The following RTN3 variants were observed in gnomAD, a reference collection of about 807,000 sequenced individuals.
The protein encoded by RTN3 is reticulon 3.
Under a neutral mutation model 77.8 loss-of-function variants are expected in RTN3, and 49 were observed. That is an observed-to-expected ratio of 0.63 (90% confidence interval 0.50 to 0.80). RTN3 has a LOEUF of 0.80. Among genes scored for constraint, RTN3 ranks in the 30% least tolerant of loss-of-function variants. RTN3 has a pLI of 0.00. For synonymous variants in RTN3, 464 were observed against 446.9 expected, an observed-to-expected ratio of 1.04 and a Z score of -0.48; for missense variants, 1,236 against 1,211.9, an observed-to-expected ratio of 1.02 and a Z score of -0.29.
At position 63,698,781 on chromosome 11, in the gene RTN3, T is replaced by C. The variant is rs1942089873; in HGVS notation, c.143-6070T>C. 7 of 168,542 alleles carry C rather than the reference T, an allele frequency of 4.2e-5. No homozygotes were observed. In the South Asian group the frequency reaches 7.4e-4, roughly 18 times the overall value. The allele number at this position is 168,542 out of a possible 1,614,324, so 10.4% of individuals were successfully genotyped here. A position where few individuals can be genotyped will look rare whatever the true frequency, so the allele number is the denominator to read the frequency against. On this transcript the variant is annotated intron_variant, in intron 1 of 8. Coordinates refer to ENST00000377819, the MANE Select transcript of RTN3 (RefSeq NM_001265589.2). ...CCACTGGCCCCTTTAAATATTGAGA[T>C]ACCTCAAGATTCTTTTGTAAAACTT...
chr11:63,744,867 C>T (rs2013704884), intron 3 of RTN3, among the ~76,000 whole-genome samples: 1 of 152,142 alleles, frequency 6.6e-6, no homozygotes, highest in Non-Finnish European at 1.5e-5. Flanking sequence ...TGGTGCACGC[C>T]TATAGTCCTA....
At chr11:63,691,714 ACCTT>A (rs1252900809) in intron 1 of RTN3, among the ~76,000 whole-genome samples, 7 of 152,172 alleles carry the variant, frequency 4.6e-5, no homozygotes, top group South Asian at 2.1e-4. Flanking sequence ...TCTTGATTCT[ACCTT>A]CAAAAAGATA....
intron 7 of RTN3, among the ~76,000 whole-genome samples, chr11:63,754,782 C>A (rs886480813): frequency 4.8e-5 from 7 of 147,092 alleles, no homozygotes; most frequent in African/African-American, 1.8e-4. Context: ...AAAAAATTAG[C>A]CAGGCATGGT....
At chr11:63,742,662 G>A (rs1388607584) in intron 3 of RTN3, among the ~76,000 whole-genome samples, 1 of 151,836 alleles carries the variant, frequency 6.6e-6, no homozygotes, top group Non-Finnish European at 1.5e-5. Context: ...AAAAAAGAAA[G>A]GATTGTGATT....
chr11:63,681,700 C>T lies in RTN3; in HGVS notation c.64C>T (p.Pro22Ser). The change falls in exon 1 of 9, where the codon CCG becomes TCG. Residue 22 changes from proline (P) to serine (S), a missense_variant. Transcript: ENST00000377819. ...SISSSSFGAE[P>S]SAPGGGGSPG... ...CTCCTCGTCGTCCTTCGGAGCCGAG[C>T]CGTCCGCGCCCGGCGGCGGCGGGAG... is the stretch of plus-strand genomic sequence containing the variant. 6.2e-7 allele frequency: 1 copy of T among 1,610,900 alleles called. No individual in the cohort carries two copies. Among genetic ancestry groups the T allele is most frequent in the Non-Finnish European group, 8.5e-7 (1 of 1,178,756 alleles).
chr11:63,721,045 A>G lies in RTN3; in HGVS notation c.2530+13A>G. 6.4e-7 allele frequency: 1 copy of G among 1,566,428 alleles called. No homozygotes were observed. The highest frequency in any genetic ancestry group is 8.7e-7 in the Non-Finnish European group (1 of 1,155,502). ...ACAGACTTCTCAGGTAACCATTTATATTAGAATACTGCATGTGGTTAATTC... is the reference window on the plus strand; with the variant it reads ...ACAGACTTCTCAGGTAACCATTTATGTTAGAATACTGCATGTGGTTAATTC... On this transcript the variant is annotated intron_variant, in intron 3 of 8. Coordinates refer to ENST00000377819, the MANE Select transcript of RTN3 (RefSeq NM_001265589.2).
intron 1 of RTN3, among the ~76,000 whole-genome samples, chr11:63,682,448 C>A (rs1177933935): frequency 6.6e-6 from 1 of 152,026 alleles, no homozygotes; most frequent in Non-Finnish European, 1.5e-5. Flanking sequence ...TGGGAGGGAG[C>A]TGCTAATGGT....
intron 1 of RTN3, among the ~76,000 whole-genome samples, chr11:63,684,129 G>GTTTTTTTTTTTTTTTTTTTTTTTTTTGT (rs61663789): frequency 1.2e-5 from 1 of 85,258 alleles, no homozygotes; most frequent in African/African-American, 5.2e-5. Flanking sequence ...TTTTCTTTTG[G>GTTTTTTTTTTTTTTTTTTTTTTTTTTGT]TTTTTTTTTT....
At position 63,705,010 on chromosome 11, in the gene RTN3, C is replaced by T. The variant is rs953948144; in HGVS notation, c.199+103C>T. The stretch of plus-strand genomic sequence containing the variant: ...CAAGTCTTCTATTGCCCCAAATCCC[C>T]TAAAATAAAAACTAATTACAAGCTG... On this transcript the variant is annotated intron_variant, in intron 2 of 8. Coordinates refer to ENST00000377819, the MANE Select transcript of RTN3 (RefSeq NM_001265589.2). The T allele has an allele frequency of 6.9e-6, 6 of 873,778 alleles. No individual in the cohort carries two copies. The African/African-American group carries it at 8.4e-5, about 12-fold the overall frequency. 54.1% of individuals were successfully genotyped at this position (873,778 alleles called of 1,614,324 possible).
intron 1 of RTN3, among the ~76,000 whole-genome samples, chr11:63,700,715 C>T (rs1051998830): frequency 2.0e-5 from 3 of 151,906 alleles, no homozygotes; most frequent in Non-Finnish European, 4.4e-5. Flanking sequence ...ATGGTCCTTC[C>T]ACCTCAGCCT....
At chr11:63,732,476 T>C (rs1460988311) in intron 3 of RTN3, among the ~76,000 whole-genome samples, 1 of 151,728 alleles carries the variant, frequency 6.6e-6, no homozygotes, top group African/African-American at 2.4e-5. Context: ...TTGGCCAAAA[T>C]TATTTCTTGA....
At chr11:63,748,603 G>T (rs1398912441) in intron 3 of RTN3, among the ~76,000 whole-genome samples, 1 of 149,206 alleles carries the variant, frequency 6.7e-6, no homozygotes, top group Non-Finnish European at 1.5e-5. Context: ...ACCAGCCTCG[G>T]ACTCCCAAAG....
chr11:63,695,367 A>G (rs554892867), intron 1 of RTN3, among the ~76,000 whole-genome samples: 1 of 152,320 alleles, frequency 6.6e-6, no homozygotes, highest in East Asian at 1.9e-4. Flanking sequence ...TTAGCTATAA[A>G]TGAATAAATA....
chr11:63,705,075 T>G (rs533071564), intron 2 of RTN3, among the ~76,000 whole-genome samples, 168 bp downstream of exon 2: 1 of 152,184 alleles, frequency 6.6e-6, no homozygotes, highest in Admixed American at 6.5e-5. Flanking sequence ...TTTCGTGTAA[T>G]GGTTAATAAA....
In RTN3 at chr11:63,756,142, C is replaced by T; in HGVS notation, c.3025C>T (p.Arg1009Ter). The change falls in exon 8 of 9, where the codon CGA becomes TGA. Residue 1009 changes from arginine (R) to a stop codon, truncating the protein, a stop_gained. Coordinates refer to ENST00000377819, the MANE Select transcript of RTN3 (RefSeq NM_001265589.2). LOFTEE classifies it high-confidence loss of function. ...GATTGATCACTATGTTGGCATCGCCCGAGATCAGACCAAGTCAATTGTTGA... is the reference window on the plus strand; with the variant it reads ...GATTGATCACTATGTTGGCATCGCCTGAGATCAGACCAAGTCAATTGTTGA... ...TQIDHYVGIA[R>*]DQTKSIVEKI... 6 of 1,613,126 alleles carry T rather than the reference C, an allele frequency of 3.7e-6. No homozygotes were observed. The highest frequency in any genetic ancestry group is 1.1e-5 in the South Asian group (1 of 91,042).
intron 2 of RTN3, 24 bp downstream of exon 2, chr11:63,704,931 G>A (rs764219744): frequency 6.4e-7 from 1 of 1,573,324 alleles, no homozygotes; most frequent in Non-Finnish European, 8.7e-7. Flanking sequence ...TTTTTTGTGT[G>A]CATTGGTAAA....
intron 2 of RTN3, among the ~76,000 whole-genome samples, chr11:63,716,391 C>G (rs1316284046): frequency 6.6e-6 from 1 of 152,182 alleles, no homozygotes; most frequent in Non-Finnish European, 1.5e-5. Context: ...CACATTTTCC[C>G]AGTTACTCAT....
chr11:63,737,870 A>G (rs1306491652), intron 3 of RTN3, among the ~76,000 whole-genome samples: 4 of 152,178 alleles, frequency 2.6e-5, no homozygotes, highest in African/African-American at 7.2e-5. Flanking sequence ...TCTATGGCCA[A>G]AAGTATGTGT....
intron 2 of RTN3, among the ~76,000 whole-genome samples, chr11:63,707,439 A>AT (rs923568095): frequency 5.9e-5 from 9 of 152,218 alleles, no homozygotes; most frequent in Non-Finnish European, 1.0e-4. Context: ...GTGTATTAGA[A>AT]TTTGCAAGAC....
Sources: gnomAD v4.1 joint callset for allele counts (sites outside exome capture counted in the v4.1 genomes callset) on GRCh38, gnomAD v4.1.1 for gene constraint, MANE v1.5 for transcripts, NCBI Gene and HGNC (gene_info 2026-07-23, HGNC 2026-07-21) for gene names.